ZBTB20: variants seen among roughly 807,000 people sequenced by gnomAD.
ZBTB20 encodes zinc finger and BTB domain-containing protein 20.
In ZBTB20, 9 loss-of-function variants were observed where a neutral mutation model predicts 56.9. That is an observed-to-expected ratio of 0.16 (90% confidence interval 0.10 to 0.28). The LOEUF (loss-of-function observed/expected upper bound fraction) is 0.28. Ranked by LOEUF, ZBTB20 falls within the 10% of genes least tolerant of loss-of-function variation. The pLI is 1.00. For missense variants in ZBTB20, 655 were observed against 1,003.0 expected (o/e 0.65, Z 4.69); for synonymous variants, 417 against 420.7 (o/e 0.99, Z 0.11).
chr3:114,421,807 A>ATTTT (rs11376377), intron 7 of ZBTB20, among the ~76,000 whole-genome samples: 20 of 147,626 alleles, frequency 1.4e-4, no homozygotes, highest in African/African-American at 4.8e-4. Flanking sequence ...AAGACTACAG[A>ATTTT]TTTTTTTTTT....
chr3:114,973,711 T>C (rs1443393767), intron 3 of ZBTB20, among the ~76,000 whole-genome samples: 1 of 152,144 alleles, frequency 6.6e-6, no homozygotes, highest in Non-Finnish European at 1.5e-5. Flanking sequence ...CTATAATAAA[T>C]TACCCTACCA....
In ZBTB20 at chr3:114,875,416, G is replaced by A. The variant is rs542997179; in HGVS notation, c.-417+24888C>T. Among the ~76,000 whole-genome samples the A allele has an allele frequency of 3.3e-5, 5 of 151,960 alleles. 1 individual carries two copies. The South Asian group carries it at 6.2e-4, about 19-fold the overall frequency. On this transcript the variant is annotated intron_variant, in intron 4 of 11. Coordinates refer to ENST00000675478, the MANE Select transcript of ZBTB20 (RefSeq NM_001348800.3). ...TAAAATGCTTGCAATCCACAGACTC[G>A]TTATGGTTTTCATATCCATACCAGT...
chr3:115,024,885 ACT>A (rs1173442126), intron 2 of ZBTB20, among the ~76,000 whole-genome samples: 1 of 151,210 alleles, frequency 6.6e-6, no homozygotes, highest in Non-Finnish European at 1.5e-5. Flanking sequence ...GCTAGTAACT[ACT>A]GTTACTAAAA....
At chr3:114,646,445 A>T (rs1225585966) in intron 6 of ZBTB20, among the ~76,000 whole-genome samples, 2 of 152,206 alleles carry the variant, frequency 1.3e-5, no homozygotes, top group African/African-American at 4.8e-5. Context: ...AAAATGGAGC[A>T]GCAGTGAGTG....
intron 4 of ZBTB20, among the ~76,000 whole-genome samples, chr3:114,844,775 T>A (rs1041397779): frequency 6.6e-6 from 1 of 150,986 alleles, no homozygotes; most frequent in Non-Finnish European, 1.5e-5. Context: ...TAATAGTGTC[T>A]CATGATTTTA....
At chr3:114,944,002 A>G (rs2076806891) in intron 3 of ZBTB20, among the ~76,000 whole-genome samples, 1 of 145,558 alleles carries the variant, frequency 6.9e-6, no homozygotes, top group Non-Finnish European at 1.5e-5. Context: ...ATAAAAATGC[A>G]TTACTTTGTA....
intron 1 of ZBTB20, among the ~76,000 whole-genome samples, chr3:115,146,388 G>A (rs961306076): frequency 6.9e-6 from 1 of 144,700 alleles, no homozygotes; most frequent in Non-Finnish European, 1.5e-5. Flanking sequence ...GGGGGTGGGG[G>A]GAGGACCCAA....
At chr3:114,737,144 G>T (rs1269225080) in intron 5 of ZBTB20, among the ~76,000 whole-genome samples, 1 of 152,110 alleles carries the variant, frequency 6.6e-6, no homozygotes, top group Non-Finnish European at 1.5e-5. Flanking sequence ...TAGAACCCAT[G>T]TTGAGATATA....
intron 5 of ZBTB20, among the ~76,000 whole-genome samples, chr3:114,762,681 G>A (rs1456057793): frequency 6.6e-6 from 1 of 152,160 alleles, no homozygotes; most frequent in Non-Finnish European, 1.5e-5. Flanking sequence ...ATGAGCATCC[G>A]TCTGAGCCAT....
At chr3:114,588,922 C>A (rs1305111830) in intron 6 of ZBTB20, among the ~76,000 whole-genome samples, 2 of 152,106 alleles carry the variant, frequency 1.3e-5, no homozygotes, top group Non-Finnish European at 2.9e-5. Context: ...AGGAAACTTA[C>A]AATCATAGCA....
chr3:114,542,309 C>A (rs577591890), intron 6 of ZBTB20, among the ~76,000 whole-genome samples: 2 of 152,216 alleles, frequency 1.3e-5, no homozygotes, highest in South Asian at 4.2e-4. Context: ...AATTCTAGCC[C>A]AACATGCAAT....
chr3:115,135,028 A>G (rs2084616943), intron 1 of ZBTB20, among the ~76,000 whole-genome samples: 1 of 152,182 alleles, frequency 6.6e-6, no homozygotes, highest in African/African-American at 2.4e-5. Context: ...CTTAAAATGG[A>G]TAAATATTGA....
intron 4 of ZBTB20, among the ~76,000 whole-genome samples, chr3:114,803,076 C>G (rs1324670547): frequency 6.6e-6 from 1 of 150,790 alleles, no homozygotes; most frequent in African/African-American, 2.4e-5. Context: ...TGATCTTTTT[C>G]TTCTATTTCT....
Position 114,982,485 on chromosome 3 carries a change from G to A in ZBTB20, c.-506-8069C>T, listed in dbSNP as rs148571383. On this transcript the variant is annotated intron_variant, in intron 2 of 11. Coordinates refer to ENST00000675478, the MANE Select transcript of ZBTB20 (RefSeq NM_001348800.3). ...TAGTGTACCAATCTTTACACATTGA[G>A]TAATTCCATGAAGAGAAAAGGCTGA... 7.6e-3 allele frequency among the ~76,000 whole-genome samples: 1,151 copies of A among 152,036 alleles called. 9 individuals carry two copies. Among genetic ancestry groups the A allele is most frequent in the African/African-American group, 0.025 (1,027 of 41,498 alleles).
chr3:114,775,469 T>A (rs928801751), intron 5 of ZBTB20, among the ~76,000 whole-genome samples: 4 of 151,672 alleles, frequency 2.6e-5, no homozygotes, highest in Non-Finnish European at 5.9e-5. Context: ...TGTTGCCTTA[T>A]TTAATTTTTT....
intron 5 of ZBTB20, among the ~76,000 whole-genome samples, chr3:114,715,652 G>A (rs536650223): frequency 1.3e-5 from 2 of 152,304 alleles, no homozygotes; most frequent in South Asian, 2.1e-4. Context: ...AATGGTTAAT[G>A]AGAATTATGA....
At chr3:115,087,692 A>G (rs1044479331) in intron 1 of ZBTB20, among the ~76,000 whole-genome samples, 1 of 151,950 alleles carries the variant, frequency 6.6e-6, no homozygotes, top group African/African-American at 2.4e-5. Flanking sequence ...ATTTAACTTC[A>G]ACTGGCTCCT....
chr3:114,674,604 T>C (rs1363826986), intron 6 of ZBTB20, among the ~76,000 whole-genome samples: 1 of 152,142 alleles, frequency 6.6e-6, no homozygotes, highest in African/African-American at 2.4e-5. Context: ...ATAAAGTCAA[T>C]TGGTATAACT....
intron 1 of ZBTB20, among the ~76,000 whole-genome samples, chr3:115,145,925 T>C (rs1576846331): frequency 6.6e-6 from 1 of 152,198 alleles, no homozygotes; most frequent in South Asian, 2.1e-4. Context: ...ATTGGGTGAA[T>C]GGCCTCTATA....
Sources: gnomAD v4.1 joint callset for allele counts (sites outside exome capture counted in the v4.1 genomes callset) on GRCh38, gnomAD v4.1.1 for gene constraint, MANE v1.5 for transcripts, NCBI Gene and HGNC (gene_info 2026-07-23, HGNC 2026-07-21) for gene names.